The following HERC6 variants were observed in gnomAD, a reference collection of about 807,000 sequenced individuals.
The protein encoded by HERC6 is probable E3 ubiquitin-protein ligase HERC6.
HERC6 carries 101 observed loss-of-function variants against 114.5 expected under a neutral mutation model. The ratio of observed to expected loss-of-function variants is 0.88; its 90% CI spans 0.75 to 1.04. The LOEUF (loss-of-function observed/expected upper bound fraction) is 1.04. HERC6 is among the 50% of genes least tolerant of loss of function. The pLI is 0.00. For missense variants in HERC6, 1,133 were observed against 1,230.9 expected (o/e 0.92, Z 1.19); for synonymous variants, 408 against 436.2 (o/e 0.94, Z 0.81).
chr4:88,437,060 CTTTT>C, intron 19 of HERC6, 89 bp downstream of exon 19: 1 of 757,404 alleles, frequency 1.3e-6, no homozygotes, highest in Non-Finnish European at 2.0e-6. Context: ...TTTGGGATCC[CTTTT>C]TTTTTTTATT....
chr4:88,408,739 G>T, intron 11 of HERC6, 122 bp downstream of exon 11: 16 of 689,218 alleles, frequency 2.3e-5, no homozygotes, highest in Non-Finnish European at 2.3e-5. Flanking sequence ...GCCCACTGCA[G>T]AAACAAAAAT....
chr4:88,393,705 T>C (rs1173267420), intron 5 of HERC6, 123 bp downstream of exon 5: 1 of 519,612 alleles, frequency 1.9e-6, no homozygotes, highest in African/African-American at 1.9e-5. Context: ...CAAAATACCA[T>C]AAAAAGAGTG....
chr4:88,411,585 G>T (rs1477909546), intron 11 of HERC6, among the ~76,000 whole-genome samples: 1 of 152,122 alleles, frequency 6.6e-6, no homozygotes, highest in Non-Finnish European at 1.5e-5. Context: ...GACATGAAAG[G>T]CAAACACTGT....
intron 10 of HERC6, among the ~76,000 whole-genome samples, chr4:88,406,151 T>A (rs979713900): frequency 1.3e-5 from 2 of 152,256 alleles, no homozygotes; most frequent in Middle Eastern, 3.2e-3. Context: ...ATATGGCACC[T>A]GTGTGTAAAA....
chr4:88,408,429 A>G (rs1405745836), intron 10 of HERC6, 95 bp from the exon 11 acceptor site: 1 of 762,188 alleles, frequency 1.3e-6, no homozygotes, highest in African/African-American at 1.8e-5. Context: ...AAAGGTTTGT[A>G]TCTTATATGT....
intron 12 of HERC6, among the ~76,000 whole-genome samples, chr4:88,417,053 G>C (rs572717177): frequency 6.6e-6 from 1 of 151,978 alleles, no homozygotes; most frequent in African/African-American, 2.4e-5. Context: ...GATTAAAAAC[G>C]TCCTTGATGC....
intron 18 of HERC6, 140 bp downstream of exon 18, chr4:88,436,031 A>C: frequency 1.7e-6 from 1 of 602,540 alleles, no homozygotes; most frequent in Admixed American, 3.7e-5. Flanking sequence ...GAATTTTAGC[A>C]TGATTTATAA....
intron 16 of HERC6, among the ~76,000 whole-genome samples, chr4:88,430,422 T>A (rs1293604378): frequency 2.0e-5 from 3 of 151,548 alleles, no homozygotes; most frequent in African/African-American, 7.3e-5. Flanking sequence ...ATACAAAAAC[T>A]AGCTGGGTGC....
At chr4:88,429,110 A>G (rs939866846) in intron 16 of HERC6, among the ~76,000 whole-genome samples, 5 of 152,184 alleles carry the variant, frequency 3.3e-5, no homozygotes, top group African/African-American at 1.2e-4. Context: ...GTTTGTGTAC[A>G]TGTCTGGGAG....
intron 18 of HERC6, among the ~76,000 whole-genome samples, chr4:88,436,603 CTT>C (rs1738773739): frequency 6.6e-6 from 1 of 152,192 alleles, no homozygotes; most frequent in South Asian, 2.1e-4. Context: ...TGTCTCCAGA[CTT>C]TGCTGAATGA....
chr4:88,378,946 T>C lies in HERC6; in HGVS notation c.25T>C (p.Ser9Pro), dbSNP rs1219512148. The change falls in exon 1 of 23, where the codon TCC becomes CCC. Residue 9 changes from serine (S) to proline (P), a missense_variant. Ser to Pro is a moderately conservative substitution (Grantham distance 74). Coordinates refer to ENST00000264346, the MANE Select transcript of HERC6 (RefSeq NM_017912.4). Reference protein sequence around the residue: MYFCWGADSRELQRRRTAG... With the variant: MYFCWGADPRELQRRRTAG... ...GATGTACTTCTGTTGGGGCGCCGACTCCAGGGAGCTGCAGCGCCGGAGGAC... is the reference window on the plus strand; with the variant it reads ...GATGTACTTCTGTTGGGGCGCCGACCCCAGGGAGCTGCAGCGCCGGAGGAC... 1.3e-6 allele frequency: 2 copies of C among 1,595,012 alleles called. No individual in the cohort carries two copies. The highest frequency in any genetic ancestry group is 8.5e-7 in the Non-Finnish European group (1 of 1,171,812).
rs769071815 is a variant in HERC6 at position 88,413,027 on chromosome 4, C to A, written c.1369-50C>A. ...TTCACAGCTTGCTTCTCACAATCCT[C>A]TGTATCTAATATATCCTGGGTCTGT... is the stretch of plus-strand genomic sequence containing the variant. On this transcript the variant is annotated intron_variant, in intron 11 of 22. Coordinates refer to ENST00000264346, the MANE Select transcript of HERC6 (RefSeq NM_017912.4). The A allele has an allele frequency of 4.5e-6, 6 of 1,330,640 alleles. No individual in the cohort carries two copies. The African/African-American group carries it at 8.9e-5, about 20-fold the overall frequency. 82.4% of individuals were successfully genotyped at this position (1,330,640 alleles called of 1,614,324 possible).
intron 16 of HERC6, among the ~76,000 whole-genome samples, chr4:88,430,330 C>A (rs982262866): frequency 2.6e-5 from 4 of 151,874 alleles, no homozygotes; most frequent in Admixed American, 2.6e-4. Context: ...GTGGCTCACA[C>A]CTGTAATCCC....
At chr4:88,431,870 G>A (rs578008698) in intron 17 of HERC6, among the ~76,000 whole-genome samples, 13 of 152,270 alleles carry the variant, frequency 8.5e-5, no homozygotes, top group East Asian at 3.9e-4. Context: ...GAGCCACCAC[G>A]CTCAGCTGAA....
chr4:88,385,672 A>T (rs1344874264), intron 3 of HERC6, 97 bp downstream of exon 3: 4 of 627,768 alleles, frequency 6.4e-6, no homozygotes, highest in Non-Finnish European at 1.1e-5. Flanking sequence ...TTCATTTAGA[A>T]GTTTTTCATT....
chr4:88,432,692 G>T (rs1332360921), intron 17 of HERC6, among the ~76,000 whole-genome samples: 1 of 151,656 alleles, frequency 6.6e-6, no homozygotes. Context: ...TTGCGCCATA[G>T]CACCCCAGCC....
At position 88,390,724 on chromosome 4, in the gene HERC6, C is replaced by A. The variant is rs1337500286; in HGVS notation, c.509C>A (p.Ala170Asp). 1 of 1,614,002 alleles carries A rather than the reference C, an allele frequency of 6.2e-7. No individual in the cohort carries two copies. The highest frequency in any genetic ancestry group is 1.7e-5 in the Admixed American group (1 of 60,008). Residue 170 changes from alanine to aspartate, a missense_variant, in exon 4 of 23, where the codon GCC (alanine) becomes GAC (aspartate). This residue lies in a region of HERC6 where 735 missense variants were observed against 754.0 expected (regional missense o/e 0.97). Coordinates refer to ENST00000264346, the MANE Select transcript of HERC6 (RefSeq NM_017912.4). ...TTGGGGAAGGAGTTCCCCTCCCAAGCCAGCCCGCAGAGGGTGAGGTCCCTG... is the reference window on the plus strand; with the variant it reads ...TTGGGGAAGGAGTTCCCCTCCCAAGACAGCCCGCAGAGGGTGAGGTCCCTG... ...LGLGKEFPSQ[A>D]SPQRVRSLEG...
intron 2 of HERC6, among the ~76,000 whole-genome samples, chr4:88,383,809 A>T (rs978461966): frequency 1.1e-4 from 16 of 149,038 alleles, no homozygotes; most frequent in African/African-American, 3.4e-4. Flanking sequence ...TGACAAACAC[A>T]GTTCCTAACC....
At chr4:88,395,340 G>T (rs750089028) in intron 5 of HERC6, among the ~76,000 whole-genome samples, 1 of 152,062 alleles carries the variant, frequency 6.6e-6, no homozygotes, top group Non-Finnish European at 1.5e-5. Flanking sequence ...ATACTTAAAT[G>T]TTGGTTTTAC....
Sources: allele counts gnomAD v4.1 joint callset (sites outside exome capture counted in the v4.1 genomes callset), GRCh38; gene constraint gnomAD v4.1.1; regional missense constraint gnomAD v4.1.1; transcripts MANE v1.5; gene names NCBI Gene and HGNC (gene_info 2026-07-23, HGNC 2026-07-21).